The following PDZRN4 variants were observed in gnomAD, a reference collection of about 807,000 sequenced individuals.
PDZRN4 encodes the protein PDZ domain containing ring finger 4, also known as PDZ domain-containing RING finger protein 4.
A neutral mutation model predicts 99.0 loss-of-function variants in PDZRN4; 70 were observed. The ratio of observed to expected loss-of-function variants is 0.71; its 90% CI spans 0.58 to 0.86. PDZRN4 has a LOEUF of 0.86. PDZRN4 is among the 40% of genes least tolerant of loss of function. The probability of loss-of-function intolerance (pLI) is 0.00; values close to 1 mark genes in which losing one functional copy is unlikely to be tolerated. For missense variants in PDZRN4, 1,474 were observed against 1,331.2 expected, an observed-to-expected ratio of 1.11 and a Z score of -1.67; for synonymous variants, 551 against 501.6, an observed-to-expected ratio of 1.10 and a Z score of -1.32.
Position 41,573,981 on chromosome 12 carries a change from A to G in PDZRN4, c.*91A>G. Reference sequence around the variant, plus strand: ...GCCTCGTTCAATGTGGCGTTTTTATATATATTTTGTGACTCTTTATAGTTT... The same window carrying G: ...GCCTCGTTCAATGTGGCGTTTTTATGTATATTTTGTGACTCTTTATAGTTT... On this transcript the variant is annotated 3_prime_UTR_variant, in exon 10 of 10. Transcript: ENST00000402685. 1 of 910,308 alleles carries G rather than the reference A, an allele frequency of 1.1e-6. No homozygotes were observed. Among genetic ancestry groups the G allele is most frequent in the African/African-American group, 1.6e-5 (1 of 60,736 alleles). 56.4% of individuals were successfully genotyped at this position (910,308 alleles called of 1,614,324 possible).
chr12:41,472,128 C>T (rs1009821356), intron 3 of PDZRN4, among the ~76,000 whole-genome samples: 2 of 151,970 alleles, frequency 1.3e-5, no homozygotes, highest in Admixed American at 6.6e-5. Flanking sequence ...CTCAGCCTCC[C>T]GAGTAGCTGG....
intron 3 of PDZRN4, among the ~76,000 whole-genome samples, chr12:41,503,678 C>T (rs921533476): frequency 1.3e-5 from 2 of 152,124 alleles, no homozygotes; most frequent in African/African-American, 4.8e-5. Flanking sequence ...ACATTCAGAA[C>T]ACCAGGACTA....
chr12:41,530,640 A>C lies in PDZRN4; in HGVS notation c.1203+20727A>C, dbSNP rs145025033. Among the ~76,000 whole-genome samples, 973 of 152,298 alleles carry C rather than the reference A, an allele frequency of 6.4e-3. 8 individuals are homozygous for C. Among genetic ancestry groups the C allele is most frequent in the African/African-American group, 0.022 (914 of 41,560 alleles). On this transcript the variant is annotated intron_variant, in intron 5 of 9. Coordinates refer to ENST00000402685, the MANE Select transcript of PDZRN4 (RefSeq NM_001164595.2). ...CTCTGGGGGAACTCCTGGGCATAGG[A>C]TATGCAGATCTTTATAATATATTTA... is the stretch of plus-strand genomic sequence containing the variant.
chr12:41,239,976 C>G (rs1055432676), intron 3 of PDZRN4, among the ~76,000 whole-genome samples: 23 of 152,270 alleles, frequency 1.5e-4, no homozygotes, highest in African/African-American at 5.5e-4. Context: ...TTAGAGAGTT[C>G]TAATATGTGC....
intron 3 of PDZRN4, among the ~76,000 whole-genome samples, chr12:41,203,870 G>A (rs1052184348): frequency 5.3e-5 from 8 of 152,002 alleles, no homozygotes; most frequent in Admixed American, 2.0e-4. Flanking sequence ...AGACAACAAG[G>A]AGTCAGTGAT....
intron 5 of PDZRN4, among the ~76,000 whole-genome samples, chr12:41,512,291 A>G (rs1330461723): frequency 6.6e-6 from 1 of 152,108 alleles, no homozygotes; most frequent in African/African-American, 2.4e-5. Context: ...GAGGTCAACA[A>G]TAAACATAAA....
chr12:41,524,036 A>G (rs1380382046), intron 5 of PDZRN4, among the ~76,000 whole-genome samples: 1 of 152,168 alleles, frequency 6.6e-6, no homozygotes, highest in African/African-American at 2.4e-5. Flanking sequence ...ATCAACATAT[A>G]AAAATTAGTT....
chr12:41,460,948 C>G (rs906748138), intron 3 of PDZRN4, among the ~76,000 whole-genome samples: 4 of 152,114 alleles, frequency 2.6e-5, no homozygotes, highest in Non-Finnish European at 4.4e-5. Context: ...CCATCTGATC[C>G]CTACATATAC....
At chr12:41,432,658 G>A (rs1175352692) in intron 3 of PDZRN4, among the ~76,000 whole-genome samples, 1 of 152,220 alleles carries the variant, frequency 6.6e-6, no homozygotes, top group Non-Finnish European at 1.5e-5. Context: ...AAAATGATGT[G>A]AAGGAGAAGT....
chr12:41,418,828 C>T (rs994380361), intron 3 of PDZRN4, among the ~76,000 whole-genome samples: 1 of 152,120 alleles, frequency 6.6e-6, no homozygotes, highest in Non-Finnish European at 1.5e-5. Flanking sequence ...GGGTGACCAG[C>T]GTAGGGTGTA....
Position 41,335,272 on chromosome 12 carries a change from T to C in PDZRN4, c.843+141084T>C, listed in dbSNP as rs376611192. On this transcript the variant is annotated intron_variant, in intron 3 of 9. Transcript: ENST00000402685. Reference sequence around the variant, plus strand: ...TTTTCTTTTTATTTATTTATTTATTTTTATTATTATACTTTAAGTTCTAGG... The same window carrying C: ...TTTTCTTTTTATTTATTTATTTATTCTTATTATTATACTTTAAGTTCTAGG... Among the ~76,000 whole-genome samples, 6 of 151,890 alleles carry C rather than the reference T, an allele frequency of 4.0e-5. No individual in the cohort carries two copies. In the East Asian group the frequency reaches 9.7e-4, roughly 25 times the overall value.
At chr12:41,338,024 G>T (rs1005400800) in intron 3 of PDZRN4, among the ~76,000 whole-genome samples, 2 of 152,090 alleles carry the variant, frequency 1.3e-5, no homozygotes, top group Non-Finnish European at 2.9e-5. Flanking sequence ...CTTCTAAGCA[G>T]CTGGGACTAC....
chr12:41,422,663 T>C (rs531183357), intron 3 of PDZRN4, among the ~76,000 whole-genome samples: 1 of 152,094 alleles, frequency 6.6e-6, no homozygotes, highest in Non-Finnish European at 1.5e-5. Context: ...ACTCACTTAC[T>C]GTCAGAACAG....
At chr12:41,541,654 C>T (rs1005612944) in intron 5 of PDZRN4, among the ~76,000 whole-genome samples, 8 of 151,716 alleles carry the variant, frequency 5.3e-5, no homozygotes, top group African/African-American at 1.7e-4. Flanking sequence ...GGGGTTTCAC[C>T]GTGTTAGCCA....
intron 3 of PDZRN4, among the ~76,000 whole-genome samples, chr12:41,259,006 A>G (rs764052538): frequency 1.3e-5 from 2 of 152,054 alleles, no homozygotes; most frequent in Non-Finnish European, 2.9e-5. Flanking sequence ...CTCCTTTATC[A>G]TAGGTTGAAG....
intron 3 of PDZRN4, among the ~76,000 whole-genome samples, chr12:41,363,502 G>A (rs1366788105): frequency 6.6e-6 from 1 of 152,078 alleles, no homozygotes; most frequent in Non-Finnish European, 1.5e-5. Flanking sequence ...TGTTAAGGAT[G>A]TATTTATTCA....
intron 3 of PDZRN4, among the ~76,000 whole-genome samples, chr12:41,333,429 G>T (rs1284573415): frequency 6.6e-6 from 1 of 152,108 alleles, no homozygotes; most frequent in Non-Finnish European, 1.5e-5. Flanking sequence ...CAGACTGCTT[G>T]CTCCATGAAT....
intron 3 of PDZRN4, among the ~76,000 whole-genome samples, chr12:41,494,788 C>T (rs939924746): frequency 6.6e-5 from 10 of 152,066 alleles, no homozygotes; most frequent in South Asian, 2.1e-4. Flanking sequence ...TTCATGTCAT[C>T]GACTGAACTC....
At chr12:41,354,352 T>C (rs964258654) in intron 3 of PDZRN4, among the ~76,000 whole-genome samples, 1 of 152,008 alleles carries the variant, frequency 6.6e-6, no homozygotes, top group Admixed American at 6.6e-5. Context: ...CTTGCCTCAC[T>C]TATGTATTTG....
Sources: gnomAD v4.1 joint callset for allele counts (sites outside exome capture counted in the v4.1 genomes callset) on GRCh38, gnomAD v4.1.1 for gene constraint, MANE v1.5 for transcripts, NCBI Gene and HGNC (gene_info 2026-07-23, HGNC 2026-07-21) for gene names.